The following TBC1D16 variants were observed in gnomAD, a reference collection of about 807,000 sequenced individuals.
TBC1D16 encodes the protein CTD-2529O21.1.
TBC1D16 carries 58 observed loss-of-function variants against 74.7 expected under a neutral mutation model. The ratio of observed to expected loss-of-function variants is 0.78; its 90% CI spans 0.63 to 0.97. The LOEUF (loss-of-function observed/expected upper bound fraction) is 0.97. TBC1D16 is among the 50% of genes least tolerant of loss of function. The probability of loss-of-function intolerance (pLI) is 0.00; values close to 1 mark genes in which losing one functional copy is unlikely to be tolerated. For synonymous variants in TBC1D16, 493 were observed against 474.7 expected (o/e 1.04, Z -0.50); for missense variants, 1,014 against 1,079.5 (o/e 0.94, Z 0.85).
Position 79,936,247 on chromosome 17 carries a change from G to A in TBC1D16, c.*4612C>T, listed in dbSNP as rs3169598. 45,184 of 152,124 alleles carry A rather than the reference G, an allele frequency of 0.3. 6,989 individuals are homozygous for A. The highest frequency in any genetic ancestry group is 0.42 in the East Asian group (2,148 of 5,156). The allele number at this position is 152,124 out of a possible 1,614,324, so 9.4% of individuals were successfully genotyped here. A position where few individuals can be genotyped will look rare whatever the true frequency, so the allele number is the denominator to read the frequency against. On this transcript the variant is annotated 3_prime_UTR_variant, in exon 12 of 12. Coordinates refer to ENST00000310924, the MANE Select transcript of TBC1D16 (RefSeq NM_019020.4). ...TTACAGAAGAGTCACAGAGAGGCTC[G>A]CCCTCGGCGGAGGACACACAGCTGG...
rs2031603948 is a variant in TBC1D16 at position 79,936,594 on chromosome 17, A to G, written c.*4265T>C. 6.6e-6 allele frequency: 1 copy of G among 152,234 alleles called. No homozygotes were observed. Among genetic ancestry groups the G allele is most frequent in the Non-Finnish European group, 1.5e-5 (1 of 68,084 alleles). The allele number at this position is 152,234 out of a possible 1,614,324, so 9.4% of individuals were successfully genotyped here. The stretch of plus-strand genomic sequence containing the variant: ...GCAGCAGGGGCCAGGCCCCTTCCAC[A>G]GCACTGCCTCTCACCCTTCTCCCGA... On this transcript the variant is annotated 3_prime_UTR_variant, in exon 12 of 12. Transcript: ENST00000310924.
At position 80,020,067 on chromosome 17, in the gene TBC1D16, G is replaced by C. The variant is rs540796271; in HGVS notation, c.-62-6458C>G. On this transcript the variant is annotated intron_variant, in intron 1 of 11. Transcript: ENST00000310924. ...GTTGGTAGCAGGTGCCTATATACAAGGAGAGTGCTGTGTGAATACAATGAT... is the reference window on the plus strand; with the variant it reads ...GTTGGTAGCAGGTGCCTATATACAACGAGAGTGCTGTGTGAATACAATGAT... 2.0e-5 allele frequency among the ~76,000 whole-genome samples: 3 copies of C among 149,636 alleles called. 1 individual carries two copies. The highest frequency in any genetic ancestry group is 5.1e-5 in the African/African-American group (2 of 39,100).
chr17:80,001,978 G>A lies in TBC1D16; in HGVS notation c.779+8182C>T, dbSNP rs2035504495. On this transcript the variant is annotated intron_variant, in intron 3 of 11. Coordinates refer to ENST00000310924, the MANE Select transcript of TBC1D16 (RefSeq NM_019020.4). This position sits in a 1 kb window ranked among gnomAD's most constrained non-coding sequence, Gnocchi z 5.8. ...GGGCAAAGTGTGTCCTGATTCGTGT[G>A]CCACCGCTCACTTCTTCGCCCACCT... Among the ~76,000 whole-genome samples, 1 of 152,144 alleles carries A rather than the reference G, an allele frequency of 6.6e-6. No individual in the cohort carries two copies. Among genetic ancestry groups the A allele is most frequent in the African/African-American group, 2.4e-5 (1 of 41,416 alleles).
chr17:79,988,972 C>A lies in TBC1D16; in HGVS notation c.779+21188G>T, dbSNP rs1266476812. 2.0e-5 allele frequency among the ~76,000 whole-genome samples: 3 copies of A among 152,186 alleles called. No homozygotes were observed. ...CTTCAGTCCTCCTGCCGAGAAGAAG[C>A]CTTTCATCAGTAAAAGAGAAAACGG... On this transcript the variant is annotated intron_variant, in intron 3 of 11. Coordinates refer to ENST00000310924, the MANE Select transcript of TBC1D16 (RefSeq NM_019020.4). This position sits in a 1 kb window ranked among gnomAD's most constrained non-coding sequence, Gnocchi z 5.7.
In TBC1D16 at chr17:79,935,454, GCT is replaced by G. The variant is rs1046500101; in HGVS notation, c.*5403_*5404del. 12 of 152,264 alleles carry G rather than the reference GCT, an allele frequency of 7.9e-5. No individual in the cohort carries two copies. The highest frequency in any genetic ancestry group is 2.9e-4 in the African/African-American group (12 of 41,454). The allele number at this position is 152,264 out of a possible 1,614,324, so 9.4% of individuals were successfully genotyped here. A position where few individuals can be genotyped will look rare whatever the true frequency, so the allele number is the denominator to read the frequency against. On this transcript the variant is annotated 3_prime_UTR_variant, in exon 12 of 12. Coordinates refer to ENST00000310924, the MANE Select transcript of TBC1D16 (RefSeq NM_019020.4). ...CCTCAGTCCCCACAGCCCCCATCCA[GCT>G]CTCTTTTACACCTTCCCCTCCCCCA...
At chr17:79,967,556 A>G (rs951003293) in intron 3 of TBC1D16, among the ~76,000 whole-genome samples, 5 of 152,238 alleles carry the variant, frequency 3.3e-5, no homozygotes, top group African/African-American at 4.8e-5. Flanking sequence ...CACAAGTACA[A>G]GACTTGTGTA....
chr17:79,977,146 C>A lies in TBC1D16; in HGVS notation c.780-24328G>T, dbSNP rs150867365. On this transcript the variant is annotated intron_variant, in intron 3 of 11. Coordinates refer to ENST00000310924, the MANE Select transcript of TBC1D16 (RefSeq NM_019020.4). ...CCTACTTTGCCTGGGTCATTTCACG[C>A]CTTCCCCAACGAGGCGAACCCCAGC... 3.5e-4 allele frequency among the ~76,000 whole-genome samples: 54 copies of A among 152,344 alleles called. 1 individual carries two copies. In the East Asian group the frequency reaches 9.1e-3, roughly 26 times the overall value.
In TBC1D16 at chr17:80,008,971, T is replaced by A. The variant is rs529559063; in HGVS notation, c.779+1189A>T. 2.0e-5 allele frequency among the ~76,000 whole-genome samples: 3 copies of A among 152,276 alleles called. No individual in the cohort carries two copies. The East Asian group carries it at 5.8e-4, about 29-fold the overall frequency. On this transcript the variant is annotated intron_variant, in intron 3 of 11. Coordinates refer to ENST00000310924, the MANE Select transcript of TBC1D16 (RefSeq NM_019020.4). This position sits in a 1 kb window ranked among gnomAD's most constrained non-coding sequence, Gnocchi z 4.5. ...TGGGGCAGACCCAGCTGGGTTCACATCCCAGCTTGGCCCGGGCACTGGCTG... is the reference window on the plus strand; with the variant it reads ...TGGGGCAGACCCAGCTGGGTTCACAACCCAGCTTGGCCCGGGCACTGGCTG...
At position 80,013,440 on chromosome 17, in the gene TBC1D16, C is replaced by T. The variant is rs34603877; in HGVS notation, c.108G>A (p.Glu36=). ...GSGSPSVLDG[E]IIYSKNNVCV... ...AGACATTGTTCTTGGAGTAGATGAT[C>T]TCTCCATCCAGGACAGAGGGGGACC... Residue 36 remains glutamate, a synonymous_variant, in exon 2 of 12, where the codon GAG becomes GAA. Transcript: ENST00000310924. 25,424 of 1,605,734 alleles carry T rather than the reference C, an allele frequency of 0.016. 365 individuals carry two copies. Among genetic ancestry groups the T allele is most frequent in the Middle Eastern group, 0.047 (286 of 6,040 alleles).
chr17:79,999,619 T>C (rs914200828), intron 3 of TBC1D16, among the ~76,000 whole-genome samples: 3 of 117,432 alleles, frequency 2.6e-5, no homozygotes, highest in African/African-American at 5.9e-5. Context: ...CTCGGCTCAC[T>C]GCAACCTCCG....
At chr17:80,021,640 G>A (rs1470468600) in intron 1 of TBC1D16, among the ~76,000 whole-genome samples, 2 of 147,996 alleles carry the variant, frequency 1.4e-5, no homozygotes, top group Non-Finnish European at 3.0e-5. Flanking sequence ...ACACACCATA[G>A]ATACATACAT....
intron 3 of TBC1D16, among the ~76,000 whole-genome samples, chr17:80,006,030 A>G (rs1439980456): frequency 2.0e-5 from 3 of 151,006 alleles, no homozygotes; most frequent in South Asian, 4.2e-4. Flanking sequence ...CTCCGGGGGG[A>G]CTCAACTCCG....
At chr17:79,946,683 G>A (rs1052780207) in intron 9 of TBC1D16, among the ~76,000 whole-genome samples, 2 of 152,218 alleles carry the variant, frequency 1.3e-5, no homozygotes, top group African/African-American at 4.8e-5. Flanking sequence ...CTGTGGCCCT[G>A]GCCTTCAAGG....
rs911566107 is a variant in TBC1D16, at chr17:79,950,486, C to T, written c.1182G>A (p.Lys394=). Residue 394 remains lysine, a synonymous_variant, in exon 6 of 12, where the codon AAG becomes AAA. Transcript: ENST00000310924. The surrounding 1 kb of genome is among the most constrained non-coding windows in gnomAD (Gnocchi z 4.6). The part of the protein sequence containing the change: ...SETHPEESMY[K]RLGVSAWLNH... ...TGAGCCAGGCGGAGACGCCGAGCCT[C>T]TTGTACATGCTCTCCTCGGGGTGCG... 2 of 1,613,176 alleles carry T rather than the reference C, an allele frequency of 1.2e-6. No homozygotes were observed. The highest frequency in any genetic ancestry group is 2.7e-5 in the African/African-American group (2 of 74,888).
At chr17:79,967,082 C>T (rs1363178617) in intron 3 of TBC1D16, among the ~76,000 whole-genome samples, 1 of 151,990 alleles carries the variant, frequency 6.6e-6, no homozygotes, top group Non-Finnish European at 1.5e-5. Context: ...CTATGAAAAA[C>T]CAACAACTAT....
At chr17:79,945,224 T>C (rs1598319629) in intron 9 of TBC1D16, 137 bp from the exon 10 acceptor site, 3 of 900,474 alleles carry the variant, frequency 3.3e-6, no homozygotes, top group East Asian at 5.4e-5. Flanking sequence ...ACCTGCTGCA[T>C]GTGCCTGCCC....
rs1324540396 is a variant in TBC1D16 at position 79,980,891 on chromosome 17, G to A, written c.780-28073C>T. On this transcript the variant is annotated intron_variant, in intron 3 of 11. Transcript: ENST00000310924. This position sits in a 1 kb window ranked among gnomAD's most constrained non-coding sequence, Gnocchi z 7.0. ...GGAGCCTGTGAGTTGAGCCAGAGCT[G>A]ACCGGGAGCTGCTGGGACCATGGCT... Among the ~76,000 whole-genome samples the A allele has an allele frequency of 6.6e-6, 1 of 152,212 alleles. No homozygotes were observed. Among genetic ancestry groups the A allele is most frequent in the African/African-American group, 2.4e-5 (1 of 41,448 alleles).
intron 3 of TBC1D16, among the ~76,000 whole-genome samples, chr17:79,958,106 G>GT (rs2033423505): frequency 6.6e-6 from 1 of 151,994 alleles, no homozygotes; most frequent in Non-Finnish European, 1.5e-5. Context: ...TGGGGGGATG[G>GT]TTTATGAAAT....
At chr17:80,022,495 C>A (rs1364286461) in intron 1 of TBC1D16, among the ~76,000 whole-genome samples, 1 of 149,196 alleles carries the variant, frequency 6.7e-6, no homozygotes, top group Admixed American at 6.6e-5. Flanking sequence ...CACCACCACG[C>A]CTGGCTAATT....
Sources: allele counts gnomAD v4.1 joint callset (sites outside exome capture counted in the v4.1 genomes callset), GRCh38; gene constraint gnomAD v4.1.1; non-coding constraint Gnocchi (gnomAD v3.1); transcripts MANE v1.5; gene names NCBI Gene and HGNC (gene_info 2026-07-23, HGNC 2026-07-21).